The following RGS12 variants were observed in gnomAD, a reference collection of about 807,000 sequenced individuals.
RGS12 encodes the protein regulator of G protein signaling 12, also known as regulator of G-protein signaling 12.
RGS12 carries 66 observed loss-of-function variants against 120.1 expected under a neutral mutation model. The ratio of observed to expected loss-of-function variants is 0.55; its 90% confidence interval spans 0.45 to 0.67. The LOEUF (loss-of-function observed/expected upper bound fraction) is 0.67, where lower values mean the gene tolerates loss of function less well. RGS12 is among the 30% of genes least tolerant of loss of function. The pLI, the probability that RGS12 is intolerant of heterozygous loss-of-function variation, is 0.00. For missense variants in RGS12, 1,859 were observed against 1,957.7 expected (o/e 0.95, Z 0.95); for synonymous variants, 827 against 804.7 (o/e 1.03, Z -0.47).
At chr4:3,304,006 G>A (rs569540359) in intron 1 of RGS12, among the ~76,000 whole-genome samples, 3 of 152,270 alleles carry the variant, frequency 2.0e-5, no homozygotes, top group East Asian at 1.9e-4. Flanking sequence ...GCACTGAGTC[G>A]CTGTGCTGCT....
chr4:3,337,614 A>T lies in RGS12; in HGVS notation c.1882-5323A>T, dbSNP rs145366416. On this transcript the variant is annotated intron_variant, in intron 2 of 17. Transcript: ENST00000336727. ...ATCAGCCAGTCACAGAAGGACACAC[A>T]CTATCTAATTCCACTTATGTGGGAT... Among the ~76,000 whole-genome samples, 29 of 152,290 alleles carry T rather than the reference A, an allele frequency of 1.9e-4. No individual in the cohort carries two copies. In the East Asian group the frequency reaches 5.0e-3, roughly 26 times the overall value.
intron 3 of RGS12, among the ~76,000 whole-genome samples, chr4:3,348,955 C>T (rs1262137252): frequency 6.6e-6 from 1 of 152,170 alleles, no homozygotes; most frequent in African/African-American, 2.4e-5. Context: ...GCATTTCTAA[C>T]CTCATACGAG....
chr4:3,331,239 T>C lies in RGS12; in HGVS notation c.1882-11698T>C, dbSNP rs1711804471. On this transcript the variant is annotated intron_variant, in intron 2 of 17. Coordinates refer to ENST00000336727, the MANE Select transcript of RGS12 (RefSeq NM_001394154.1). ...ACCTATACATTTTAAAGTGCACATA[T>C]GTTTATATGTAAATATATGGAAAGA... 3.9e-5 allele frequency among the ~76,000 whole-genome samples: 6 copies of C among 152,304 alleles called. No individual in the cohort carries two copies. The South Asian group carries it at 8.3e-4, about 21-fold the overall frequency.
At chr4:3,405,099 G>A (rs529876384) in intron 4 of RGS12, among the ~76,000 whole-genome samples, 1 of 152,244 alleles carries the variant, frequency 6.6e-6, no homozygotes, top group African/African-American at 2.4e-5. Context: ...GTAGTAACAG[G>A]AGGGGGGCTC....
In RGS12 at chr4:3,321,877, C is replaced by T. The variant is rs201985094; in HGVS notation, c.1881+3826C>T. Among the ~76,000 whole-genome samples, 13 of 152,374 alleles carry T rather than the reference C, an allele frequency of 8.5e-5. No individual in the cohort carries two copies. The East Asian group carries it at 2.1e-3, about 25-fold the overall frequency. The stretch of plus-strand genomic sequence containing the variant: ...TATTACTAGTTCTATGAATGTTAAA[C>T]GTTCCCTTTGAAATTACTGGCACCA... On this transcript the variant is annotated intron_variant, in intron 2 of 17. Coordinates refer to ENST00000336727, the MANE Select transcript of RGS12 (RefSeq NM_001394154.1).
chr4:3,368,876 C>T (rs560571788), intron 3 of RGS12, among the ~76,000 whole-genome samples: 4 of 152,172 alleles, frequency 2.6e-5, no homozygotes. Flanking sequence ...CGTGCTCCGC[C>T]TTCTGTCATA....
At chr4:3,327,039 T>C (rs1404694388) in intron 2 of RGS12, among the ~76,000 whole-genome samples, 2 of 152,196 alleles carry the variant, frequency 1.3e-5, no homozygotes, top group South Asian at 4.1e-4. Context: ...GCTGGAGATA[T>C]TACATTACCT....
In RGS12 at chr4:3,394,983, A is replaced by G. The variant is rs190289584; in HGVS notation, c.2020+8546A>G. 2.5e-3 allele frequency among the ~76,000 whole-genome samples: 383 copies of G among 152,298 alleles called. 1 individual carries two copies. Among genetic ancestry groups the G allele is most frequent in the African/African-American group, 9.0e-3 (374 of 41,550 alleles). ...CAAGAGTTCAAGACCAGCCTGGCCA[A>G]TATGGCAAAACCCCGTCTCTACCAA... On this transcript the variant is annotated intron_variant, in intron 4 of 17. Transcript: ENST00000336727.
intron 3 of RGS12, among the ~76,000 whole-genome samples, chr4:3,371,285 G>A (rs1219780096): frequency 6.6e-6 from 1 of 152,184 alleles, no homozygotes; most frequent in Non-Finnish European, 1.5e-5. Flanking sequence ...GCCGCGGGCC[G>A]CCTCTGGCTG....
intron 2 of RGS12, 47 bp downstream of exon 2, chr4:3,318,098 T>C (rs780351847): frequency 2.0e-6 from 3 of 1,518,670 alleles, no homozygotes; most frequent in East Asian, 2.3e-5. Context: ...GCCTCCTCAC[T>C]TAGCAGTCAC....
At chr4:3,414,304 G>T (rs1577071534) in intron 5 of RGS12, 63 bp downstream of exon 5, 1 of 1,462,844 alleles carries the variant, frequency 6.8e-7, no homozygotes, top group East Asian at 2.5e-5. Context: ...TACCGAGCAG[G>T]ATCTGTGGGC....
chr4:3,430,593 G>C lies in RGS12; in HGVS notation c.3752G>C (p.Arg1251Pro). 6.2e-7 allele frequency: 1 copy of C among 1,612,284 alleles called. No individual in the cohort carries two copies. The highest frequency in any genetic ancestry group is 1.7e-5 in the Admixed American group (1 of 59,934). The change falls in exon 17 of 18, where the codon CGG becomes CCG. Residue 1251 changes from arginine (R) to proline (P), a missense_variant. Physicochemically the swap from Arg to Pro is moderately radical, Grantham distance 103. Around this residue, in one of 3 missense-constraint regions of RGS12, gnomAD observed 517 missense variants for 488.5 expected, o/e 1.06. Coordinates refer to ENST00000336727, the MANE Select transcript of RGS12 (RefSeq NM_001394154.1). The part of the protein sequence containing the change: ...FSKRSATGNG[R>P]ESASQPGEQW... ...AAGAGAAGCGCCACAGGCAACGGCC[G>C]GGAGAGCGCCTCCCAGCCTGGCGAG... is the stretch of plus-strand genomic sequence containing the variant.
At chr4:3,358,630 G>C (rs149630362) in intron 3 of RGS12, among the ~76,000 whole-genome samples, 70 of 152,030 alleles carry the variant, frequency 4.6e-4, no homozygotes, top group African/African-American at 1.4e-3. Flanking sequence ...GTATTACAAT[G>C]ATTGATTTTT....
At position 3,357,129 on chromosome 4, in the gene RGS12, A is replaced by G. The variant is rs542655290; in HGVS notation, c.1998+14076A>G. Among the ~76,000 whole-genome samples the G allele has an allele frequency of 1.4e-3, 207 of 152,242 alleles. 2 individuals are homozygous for G. Among genetic ancestry groups the G allele is most frequent in the African/African-American group, 4.6e-3 (193 of 41,542 alleles). On this transcript the variant is annotated intron_variant, in intron 3 of 17. Transcript: ENST00000336727. ...TTTGATTTGTATTTCCCTAATGTTTAGTGATGTTGAGCATCTTTTCATGTG... is the reference window on the plus strand; with the variant it reads ...TTTGATTTGTATTTCCCTAATGTTTGGTGATGTTGAGCATCTTTTCATGTG...
Position 3,311,321 on chromosome 4 carries a change from G to T in RGS12, c.-101-4749G>T, listed in dbSNP as rs542228290. Among the ~76,000 whole-genome samples, 3 of 152,326 alleles carry T rather than the reference G, an allele frequency of 2.0e-5. No individual in the cohort carries two copies. The South Asian group carries it at 6.2e-4, about 32-fold the overall frequency. On this transcript the variant is annotated intron_variant, in intron 1 of 17. Transcript: ENST00000336727. ...CCATCTCTGTACCTGCAGGTCTTGG[G>T]TGCTGCCCGGCATGAGTGGAGGAGT...
At chr4:3,438,784 C>T (rs1401867571) in intron 17 of RGS12, among the ~76,000 whole-genome samples, 1 of 151,972 alleles carries the variant, frequency 6.6e-6, no homozygotes, top group African/African-American at 2.4e-5. Context: ...CTGGAGTGGG[C>T]ATTGGAGCCA....
At chr4:3,297,979 A>G (rs1020964237) in intron 1 of RGS12, among the ~76,000 whole-genome samples, 1 of 152,224 alleles carries the variant, frequency 6.6e-6, no homozygotes, top group Non-Finnish European at 1.5e-5. Flanking sequence ...TTAGCTGGGT[A>G]TAAAATTTTA....
At chr4:3,364,403 C>G (rs969067432) in intron 3 of RGS12, among the ~76,000 whole-genome samples, 1 of 152,180 alleles carries the variant, frequency 6.6e-6, no homozygotes, top group African/African-American at 2.4e-5. Flanking sequence ...TCCGCAGAAC[C>G]TGCTCCTGCA....
chr4:3,316,899 GAGCTCCAACCTGGAGTCCGAC>G lies in RGS12; in HGVS notation c.734_754del (p.Ser245_Ser251del). On this transcript the variant is annotated inframe_deletion, in exon 2 of 18. Transcript: ENST00000336727. The stretch of plus-strand genomic sequence containing the variant: ...TAGGCTCCATTGAGCTTCCTTCCAC[GAGCTCCAACCTGGAGTCCGAC>G]AGCTTGCAAGCCATCCGCGGCTGCA... 6.2e-7 allele frequency: 1 copy of G among 1,613,980 alleles called. No individual in the cohort carries two copies. Among genetic ancestry groups the G allele is most frequent in the South Asian group, 1.1e-5 (1 of 91,080 alleles).
Sources: gnomAD v4.1 joint callset for allele counts (sites outside exome capture counted in the v4.1 genomes callset) on GRCh38, gnomAD v4.1.1 for gene constraint, gnomAD v4.1.1 regional missense constraint, MANE v1.5 for transcripts, NCBI Gene and HGNC (gene_info 2026-07-23, HGNC 2026-07-21) for gene names.